The following STARD13 variants were observed in gnomAD, a reference collection of about 807,000 sequenced individuals.
STARD13 encodes stAR-related lipid transfer protein 13.
In STARD13, 62 loss-of-function variants were observed where a neutral mutation model predicts 106.4. The ratio of observed to expected loss-of-function variants is 0.58; its 90% CI spans 0.48 to 0.72. The LOEUF is 0.72. Among genes scored for constraint, STARD13 ranks in the 30% least tolerant of loss-of-function variants. STARD13 has a pLI of 0.00. For missense variants in STARD13, 1,387 were observed against 1,424.0 expected (o/e 0.97, Z 0.42); for synonymous variants, 565 against 553.0 (o/e 1.02, Z -0.31).
intron 1 of STARD13, among the ~76,000 whole-genome samples, chr13:33,258,259 G>A (rs776054034): frequency 6.6e-6 from 1 of 152,104 alleles, no homozygotes; most frequent in African/African-American, 2.4e-5. Flanking sequence ...GCAAGCAATT[G>A]CCCACCCATA....
At chr13:33,658,365 T>C in the STARD13 span, 1 of 152,294 alleles carries the variant, frequency 6.6e-6, no homozygotes, top group Non-Finnish European at 1.5e-5. Context: ...AATGCTGCCA[T>C]GAACATGGGT....
chr13:33,358,627 G>T, the STARD13 span, among the ~76,000 whole-genome samples: 3 of 151,354 alleles, frequency 2.0e-5, no homozygotes, highest in African/African-American at 7.3e-5. Context: ...CTCAGGGACT[G>T]TGAATACACC....
chr13:33,329,191 A>T (rs1316585676), intron 1 of STARD13, among the ~76,000 whole-genome samples: 1 of 152,224 alleles, frequency 6.6e-6, no homozygotes, highest in African/African-American at 2.4e-5. Context: ...CTTTTAAACT[A>T]TGTACCCCTA....
chr13:33,420,501 A>T, the STARD13 span, among the ~76,000 whole-genome samples: 1 of 152,194 alleles, frequency 6.6e-6, no homozygotes, highest in South Asian at 2.1e-4. Flanking sequence ...ACACAATAAT[A>T]ATGGGAGACT....
the STARD13 span, among the ~76,000 whole-genome samples, chr13:33,568,957 C>G: frequency 6.8e-5 from 10 of 147,832 alleles, no homozygotes; most frequent in African/African-American, 2.5e-4. Context: ...CTACCAATAA[C>G]CATTACCCTA....
chr13:33,384,426 T>G, the STARD13 span, among the ~76,000 whole-genome samples: 7 of 152,218 alleles, frequency 4.6e-5, no homozygotes, highest in African/African-American at 1.7e-4. Context: ...CAATCCATAT[T>G]TTAATGCATC....
intron 1 of STARD13, among the ~76,000 whole-genome samples, chr13:33,205,080 T>C (rs953403002): frequency 6.6e-6 from 1 of 152,230 alleles, no homozygotes; most frequent in African/African-American, 2.4e-5. Context: ...AGACGAATCC[T>C]GGCCTAATAA....
At chr13:33,599,264 T>C in the STARD13 span, among the ~76,000 whole-genome samples, 1 of 152,194 alleles carries the variant, frequency 6.6e-6, no homozygotes, top group African/African-American at 2.4e-5. Flanking sequence ...TTGCACTAAT[T>C]ATACTTATAA....
chr13:33,557,081 A>C, the STARD13 span, among the ~76,000 whole-genome samples: 6 of 152,336 alleles, frequency 3.9e-5, no homozygotes, highest in African/African-American at 1.4e-4. Context: ...AGCACCAATG[A>C]GTGTACTAAA....
chr13:33,202,257 T>A (rs1316750436), intron 1 of STARD13, among the ~76,000 whole-genome samples: 1 of 152,232 alleles, frequency 6.6e-6, no homozygotes, highest in Non-Finnish European at 1.5e-5. Flanking sequence ...TAATAGTTAA[T>A]CTGCTGGTGA....
intron 1 of STARD13, among the ~76,000 whole-genome samples, chr13:33,239,255 G>A (rs114895400): frequency 8.4e-4 from 127 of 152,066 alleles, no homozygotes; most frequent in African/African-American, 2.9e-3. Context: ...TATATACCAC[G>A]TTTTCTTCAT....
chr13:33,626,144 CA>C, the STARD13 span, among the ~76,000 whole-genome samples: 1 of 152,176 alleles, frequency 6.6e-6, no homozygotes, highest in African/African-American at 2.4e-5. Context: ...CACACACACA[CA>C]TCTGCACATG....
chr13:33,551,159 A>G, the STARD13 span, among the ~76,000 whole-genome samples: 1 of 151,588 alleles, frequency 6.6e-6, no homozygotes, highest in Non-Finnish European at 1.5e-5. Context: ...GCAACCCGCC[A>G]TTGGTGTGTC....
At chr13:33,299,029 A>G (rs143724869) in intron 1 of STARD13, among the ~76,000 whole-genome samples, 1 of 152,342 alleles carries the variant, frequency 6.6e-6, no homozygotes, top group Non-Finnish European at 1.5e-5. Context: ...TTATAATAGC[A>G]TACGTTTACC....
At chr13:33,303,732 G>A (rs1892803142) in intron 1 of STARD13, among the ~76,000 whole-genome samples, 1 of 152,124 alleles carries the variant, frequency 6.6e-6, no homozygotes, top group African/African-American at 2.4e-5. Flanking sequence ...AAGCTGAAGT[G>A]GTAAAGGAAT....
At chr13:33,592,039 G>A in the STARD13 span, among the ~76,000 whole-genome samples, 3 of 152,102 alleles carry the variant, frequency 2.0e-5, no homozygotes, top group South Asian at 2.1e-4. Flanking sequence ...TTAGCAACAC[G>A]GTTTTGAATC....
the STARD13 span, among the ~76,000 whole-genome samples, chr13:33,407,176 G>A: frequency 6.6e-6 from 1 of 152,182 alleles, no homozygotes; most frequent in Non-Finnish European, 1.5e-5. Flanking sequence ...AAGACTAAAG[G>A]CATGTGGTCT....
At chr13:33,278,781 A>G (rs558096524) in intron 1 of STARD13, 1 of 152,272 alleles carries the variant, frequency 6.6e-6, no homozygotes, top group African/African-American at 2.4e-5. Context: ...TTATTATTCA[A>G]GGCCTTACAT....
the STARD13 span, among the ~76,000 whole-genome samples, chr13:33,465,124 G>T: frequency 6.6e-6 from 1 of 150,792 alleles, no homozygotes; most frequent in African/African-American, 2.4e-5. Flanking sequence ...TATCTTCATT[G>T]CTATTTTGCT....
Sources: gnomAD v4.1 joint callset for allele counts (sites outside exome capture counted in the v4.1 genomes callset) on GRCh38, gnomAD v4.1.1 for gene constraint, MANE v1.5 for transcripts, NCBI Gene and HGNC (gene_info 2026-07-23, HGNC 2026-07-21) for gene names.